Variants in SLC30A7 observed in about 807,000 individuals in gnomAD.
SLC30A7 encodes zinc transporter 7.
In SLC30A7, 35 loss-of-function variants were observed where a neutral mutation model predicts 46.0. The ratio of observed to expected loss-of-function variants is 0.76; its 90% CI spans 0.58 to 1.01. The LOEUF is 1.01. SLC30A7 is among the 50% of genes least tolerant of loss of function. The probability of loss-of-function intolerance (pLI) is 0.00; values close to 1 mark genes in which losing one functional copy is unlikely to be tolerated. For missense variants in SLC30A7, 464 were observed against 451.1 expected (o/e 1.03, Z -0.26); for synonymous variants, 147 against 157.8 (o/e 0.93, Z 0.51).
At chr1:100,957,221 C>G (rs1054188515) in intron 8 of SLC30A7, among the ~76,000 whole-genome samples, 1 of 152,156 alleles carries the variant, frequency 6.6e-6, no homozygotes, top group Non-Finnish European at 1.5e-5. Flanking sequence ...TAAGGTCCCA[C>G]CTGGTTCCAG....
At chr1:100,903,968 G>GTT (rs1273196591) in intron 2 of SLC30A7, among the ~76,000 whole-genome samples, 9 of 152,136 alleles carry the variant, frequency 5.9e-5, no homozygotes, top group Non-Finnish European at 1.0e-4. Flanking sequence ...AATTAATAAT[G>GTT]TGATTTATTA....
At chr1:100,915,980 T>C (rs1652516490) in intron 6 of SLC30A7, among the ~76,000 whole-genome samples, 1 of 152,178 alleles carries the variant, frequency 6.6e-6, no homozygotes, top group Non-Finnish European at 1.5e-5. Context: ...AGGTATGATA[T>C]GATATCTTAT....
chr1:100,994,635 T>C, the SLC30A7 span, among the ~76,000 whole-genome samples: 1 of 151,856 alleles, frequency 6.6e-6, no homozygotes, highest in Non-Finnish European at 1.5e-5. Context: ...CAAGCGATTC[T>C]CGTGCCTCAA....
intron 8 of SLC30A7, among the ~76,000 whole-genome samples, chr1:100,961,204 A>G (rs1655532277): frequency 6.7e-6 from 1 of 149,672 alleles, no homozygotes; most frequent in East Asian, 2.0e-4. Context: ...CTTGTGATCC[A>G]CCCGCCTTGG....
chr1:100,990,516 A>C, the SLC30A7 span: 16 of 1,614,212 alleles, frequency 9.9e-6, no homozygotes, highest in Non-Finnish European at 1.4e-5. Flanking sequence ...TGATCAAGGA[A>C]TGCAATGGTT....
rs12092165 is a variant in SLC30A7 at position 100,896,861 on chromosome 1, C to T, written c.182+190C>T. Reference sequence around the variant, plus strand: ...TACAGTTCTTGAGTAAGATCTGGGCCTATCCTGTGCAACCTCTCTTGTCAC... The same window carrying T: ...TACAGTTCTTGAGTAAGATCTGGGCTTATCCTGTGCAACCTCTCTTGTCAC... On this transcript the variant is annotated intron_variant, in intron 2 of 10. Coordinates refer to ENST00000357650, the MANE Select transcript of SLC30A7 (RefSeq NM_133496.5). Among the ~76,000 whole-genome samples, 725 of 152,268 alleles carry T rather than the reference C, an allele frequency of 4.8e-3. 5 individuals are homozygous for T. Among genetic ancestry groups the T allele is most frequent in the African/African-American group, 0.017 (688 of 41,550 alleles).
At chr1:100,945,968 T>C (rs61780319) in intron 8 of SLC30A7, among the ~76,000 whole-genome samples, 18,399 of 152,244 alleles carry the variant, frequency 0.12, 1,346 homozygotes, top group Non-Finnish European at 0.17. Flanking sequence ...CATTGAGCAG[T>C]GGTTTGTAGT....
chr1:100,951,315 G>A (rs11582211), intron 8 of SLC30A7, among the ~76,000 whole-genome samples: 41,886 of 151,838 alleles, frequency 0.28, 5,923 homozygotes, highest in Middle Eastern at 0.34. Flanking sequence ...ACAAATAACA[G>A]CGAAAAAGGG....
chr1:100,938,352 C>G (rs1296633948), intron 8 of SLC30A7, among the ~76,000 whole-genome samples: 8 of 152,146 alleles, frequency 5.3e-5, no homozygotes, highest in African/African-American at 1.7e-4. Flanking sequence ...CTTTGTGAAG[C>G]CTGTTGTAAA....
the SLC30A7 span, chr1:100,992,719 A>T: frequency 3.1e-6 from 5 of 1,613,322 alleles, no homozygotes; most frequent in Middle Eastern, 6.6e-4. Context: ...TATACCGTGG[A>T]GGTTCATAGA....
At chr1:100,946,284 C>G (rs1654630284) in intron 8 of SLC30A7, among the ~76,000 whole-genome samples, 1 of 152,216 alleles carries the variant, frequency 6.6e-6, no homozygotes, top group Non-Finnish European at 1.5e-5. Context: ...TTCTTTCTTT[C>G]TCTTGCCTGA....
chr1:100,989,262 T>A, the SLC30A7 span, among the ~76,000 whole-genome samples: 3 of 152,256 alleles, frequency 2.0e-5, no homozygotes, highest in African/African-American at 7.2e-5. Context: ...CTTACATTTT[T>A]AAAAATTTTA....
intron 8 of SLC30A7, among the ~76,000 whole-genome samples, chr1:100,951,608 C>T (rs1654956771): frequency 6.6e-6 from 1 of 152,168 alleles, no homozygotes; most frequent in Admixed American, 6.6e-5. Flanking sequence ...ATGCCAGGCT[C>T]GTGGTAACTG....
chr1:100,899,509 T>A (rs374901100), intron 2 of SLC30A7, among the ~76,000 whole-genome samples: 6 of 152,288 alleles, frequency 3.9e-5, no homozygotes, highest in African/African-American at 1.4e-4. Context: ...TGTGGTTTTG[T>A]ATCATCTACG....
At chr1:100,948,069 G>A (rs1654747381) in intron 8 of SLC30A7, among the ~76,000 whole-genome samples, 1 of 152,276 alleles carries the variant, frequency 6.6e-6, no homozygotes, top group East Asian at 1.9e-4. Context: ...ATATTGTTAT[G>A]TGTGAATTTG....
chr1:100,900,137 A>G (rs577046189), intron 2 of SLC30A7, among the ~76,000 whole-genome samples: 47 of 152,320 alleles, frequency 3.1e-4, no homozygotes, highest in African/African-American at 1.1e-3. Context: ...TTGATGTCCA[A>G]AAAACATCAC....
intron 2 of SLC30A7, among the ~76,000 whole-genome samples, chr1:100,905,204 T>TC (rs1346108804): frequency 1.3e-5 from 2 of 152,202 alleles, no homozygotes; most frequent in Non-Finnish European, 2.9e-5. Flanking sequence ...GTATTTTTTT[T>TC]CTCTTTCAAT....
Position 100,975,069 on chromosome 1 carries a change from T to G in SLC30A7, c.*212T>G, listed in dbSNP as rs1052087695. ...GGATATCTCCTGGACTTTTGGTCTTTTCTTTTGTGCTCTTTCCTCCAAATC... is the reference window on the plus strand; with the variant it reads ...GGATATCTCCTGGACTTTTGGTCTTGTCTTTTGTGCTCTTTCCTCCAAATC... On this transcript the variant is annotated 3_prime_UTR_variant, in exon 11 of 11. Coordinates refer to ENST00000357650, the MANE Select transcript of SLC30A7 (RefSeq NM_133496.5). 5 of 391,734 alleles carry G rather than the reference T, an allele frequency of 1.3e-5. No homozygotes were observed. Among genetic ancestry groups the G allele is most frequent in the Non-Finnish European group, 2.3e-5 (5 of 221,072 alleles). The allele number at this position is 391,734 out of a possible 1,614,324, so 24.3% of individuals were successfully genotyped here.
intron 2 of SLC30A7, among the ~76,000 whole-genome samples, chr1:100,904,970 C>T (rs1651554568): frequency 6.6e-6 from 1 of 152,090 alleles, no homozygotes; most frequent in Non-Finnish European, 1.5e-5. Flanking sequence ...TTTCCTTCTC[C>T]ATTCTCAGTG....
Sources: allele counts gnomAD v4.1 joint callset (sites outside exome capture counted in the v4.1 genomes callset), GRCh38; gene constraint gnomAD v4.1.1; transcripts MANE v1.5; gene names NCBI Gene and HGNC (gene_info 2026-07-23, HGNC 2026-07-21).